Variants in TRRAP observed in about 807,000 individuals in gnomAD.
TRRAP encodes the protein transformation/transcription domain-associated protein.
Under a neutral mutation model 438.8 loss-of-function variants are expected in TRRAP, and 41 were observed. The observed-to-expected ratio is 0.09, with a 90% CI of 0.07 to 0.12. TRRAP has a LOEUF of 0.12. Among genes scored for constraint, TRRAP ranks in the 10% least tolerant of loss-of-function variants. The probability of loss-of-function intolerance (pLI) is 1.00; values close to 1 mark genes in which losing one functional copy is unlikely to be tolerated. For missense variants in TRRAP, 3,122 were observed against 5,055.1 expected (o/e 0.62, Z 11.60); for synonymous variants, 1,994 against 1,962.9 (o/e 1.02, Z -0.42).
At chr7:98,967,406 C>T (rs1325897745) in intron 50 of TRRAP, 79 bp from the exon 51 acceptor site, 11 of 1,496,696 alleles carry the variant, frequency 7.3e-6, no homozygotes, top group South Asian at 2.4e-5. Context: ...AAGTTCACAT[C>T]CACGTTCACC....
chr7:99,007,963 T>C (rs1238197356), intron 69 of TRRAP, among the ~76,000 whole-genome samples: 2 of 151,808 alleles, frequency 1.3e-5, no homozygotes, highest in East Asian at 3.9e-4. Flanking sequence ...GTAGTTGGGA[T>C]TACAGGCACC....
chr7:98,901,927 C>T lies in TRRAP; in HGVS notation c.897+1207C>T, dbSNP rs115850641. On this transcript the variant is annotated intron_variant, in intron 11 of 72. Transcript: ENST00000456197. Reference sequence around the variant, plus strand: ...AATTAAGTGGTTTTTAGTTTAGCCACAGATTTGTACCATTACCACCATCCA... The same window carrying T: ...AATTAAGTGGTTTTTAGTTTAGCCATAGATTTGTACCATTACCACCATCCA... Among the ~76,000 whole-genome samples, 1,165 of 152,346 alleles carry T rather than the reference C, an allele frequency of 7.6e-3. 8 individuals are homozygous for T. The highest frequency in any genetic ancestry group is 0.027 in the African/African-American group (1,132 of 41,570).
intron 38 of TRRAP, 68 bp downstream of exon 38, chr7:98,950,330 C>A (rs1047146277): frequency 1.3e-6 from 2 of 1,559,800 alleles, no homozygotes; most frequent in African/African-American, 2.8e-5. Context: ...AACTTTGGGC[C>A]CTTTTCTTTT....
chr7:99,000,001 G>GTTTATTTATTTATTTA (rs143457391), intron 67 of TRRAP: 5 of 172,928 alleles, frequency 2.9e-5, no homozygotes, highest in African/African-American at 1.2e-4. Context: ...ATTTCAGTTT[G>GTTTATTTATTTATTTA]TTTATTTATT....
At chr7:98,979,016 C>T in intron 58 of TRRAP, 112 bp downstream of exon 58, 1 of 1,392,984 alleles carries the variant, frequency 7.2e-7, no homozygotes, top group Non-Finnish European at 9.7e-7. Context: ...GGAAAGACAG[C>T]TTTTGGGAAG....
intron 6 of TRRAP, among the ~76,000 whole-genome samples, chr7:98,895,531 T>G (rs1158016238): frequency 6.6e-6 from 1 of 152,212 alleles, no homozygotes; most frequent in African/African-American, 2.4e-5. Context: ...ATTTTAATTT[T>G]CAACTCTTTG....
At chr7:98,942,913 T>C (rs1201563118) in intron 30 of TRRAP, 36 bp from the exon 31 acceptor site, 10 of 1,612,940 alleles carry the variant, frequency 6.2e-6, no homozygotes, top group African/African-American at 4.0e-5. Context: ...ATGCACCTAC[T>C]GTGAAGTTGT....
rs140761278 is a variant in TRRAP, at chr7:98,976,590, C to T, written c.8067C>T (p.Cys2689=). The change falls in exon 55 of 73, where the codon TGC becomes TGT. Residue 2689 remains cysteine (C), a synonymous_variant. Transcript: ENST00000456197. This position sits in a 1 kb window ranked among gnomAD's most constrained non-coding sequence, Gnocchi z 4.6. ...LNCFVEAMSQ[C]VPPIPIRPCV... Reference sequence around the variant, plus strand: ...GCTTTGTGGAAGCCATGTCCCAGTGCGTGCCGCCAATCCCCATCCGACCCT... The same window carrying T: ...GCTTTGTGGAAGCCATGTCCCAGTGTGTGCCGCCAATCCCCATCCGACCCT... The T allele has an allele frequency of 9.9e-6, 16 of 1,614,232 alleles. No homozygotes were observed. Among genetic ancestry groups the T allele is most frequent in the Admixed American group, 5.0e-5 (3 of 60,032 alleles).
rs375896254 is a variant in TRRAP at position 98,958,118 on chromosome 7, G to C, written c.6342+27G>C. On this transcript the variant is annotated intron_variant, in intron 44 of 72. Coordinates refer to ENST00000456197, the MANE Select transcript of TRRAP (RefSeq NM_001375524.1). ...TACGGGATCCAAGTGCCCTGCGTTA[G>C]GGCTTCTGCAGACCAGAGGCTACTG... is the stretch of plus-strand genomic sequence containing the variant. 2.9e-5 allele frequency: 46 copies of C among 1,600,874 alleles called. No individual in the cohort carries two copies. In the African/African-American group the frequency reaches 5.2e-4, roughly 18 times the overall value.
intron 67 of TRRAP, chr7:98,999,867 A>G (rs1204970443): frequency 1.6e-5 from 7 of 428,572 alleles, no homozygotes; most frequent in Non-Finnish European, 2.5e-5. Flanking sequence ...ATTCATCTCC[A>G]TCTTAAATAC....
chr7:98,961,326 A>G lies in TRRAP; in HGVS notation c.6555A>G (p.Leu2185=), dbSNP rs758779353. ...GCCTAGAAGTGCTGAGCTTCCTGCT[A>G]ACTGTCCTCCAGTCCCCAGCCATCC... ...CTGLEVLSFL[L]TVLQSPAILS... is the part of the protein sequence containing the mutation. The change falls in exon 46 of 73, where the codon CTA becomes CTG. Residue 2185 remains leucine (L), a synonymous_variant. Transcript: ENST00000456197. The G allele has an allele frequency of 1.2e-6, 2 of 1,614,216 alleles. No individual in the cohort carries two copies. The highest frequency in any genetic ancestry group is 1.1e-5 in the South Asian group (1 of 91,090).
At chr7:98,985,678 G>T (rs1202115838) in intron 62 of TRRAP, among the ~76,000 whole-genome samples, 1 of 152,146 alleles carries the variant, frequency 6.6e-6, no homozygotes, top group Non-Finnish European at 1.5e-5. Flanking sequence ...CCTTGTGTAG[G>T]CTCCAGTGCC....
At position 98,910,174 on chromosome 7, in the gene TRRAP, CCCCTGCAGCTCCTGG is replaced by C; in HGVS notation, c.1476_1490del (p.Ala493_Ala497del). 1 of 1,611,352 alleles carries C rather than the reference CCCCTGCAGCTCCTGG, an allele frequency of 6.2e-7. No individual in the cohort carries two copies. The highest frequency in any genetic ancestry group is 1.3e-5 in the African/African-American group (1 of 75,006). On this transcript the variant is annotated inframe_deletion, in exon 15 of 73. Transcript: ENST00000456197. ...GCAGCTCTGCCTGGGGTGCCCACTGCCCCTGCAGCTCCTGGCCCTGCTCCCTCCCCAGCCCCTGTC... is the reference window on the plus strand; with the variant it reads ...GCAGCTCTGCCTGGGGTGCCCACTGCCCCTGCTCCCTCCCCAGCCCCTGTC...
In TRRAP at chr7:98,937,159, C is replaced by T. The variant is rs1554414430; in HGVS notation, c.4115C>T (p.Ala1372Val). Reference protein sequence around the residue: ...LVPLRIAALNALAACNYLPQS... With the variant: ...LVPLRIAALNVLAACNYLPQS... The stretch of plus-strand genomic sequence containing the variant: ...GTCTTGATTTCTCTCCCTGAAGATG[C>T]ACTTGCTGCCTGCAATTACCTTCCT... The change falls in exon 29 of 73, where the codon GCA becomes GTA. Residue 1372 changes from alanine to valine, a missense_variant. Ala to Val is a moderately conservative substitution (Grantham distance 64). Around this residue, in one of 24 missense-constraint regions of TRRAP, gnomAD observed 84 missense variants for 119.8 expected, o/e 0.70. Transcript: ENST00000456197. 1 of 1,605,902 alleles carries T rather than the reference C, an allele frequency of 6.2e-7. No individual in the cohort carries two copies. The highest frequency in any genetic ancestry group is 1.7e-5 in the Admixed American group (1 of 58,190).
intron 28 of TRRAP, among the ~76,000 whole-genome samples, chr7:98,936,259 A>G (rs1168288259): frequency 6.6e-6 from 1 of 152,186 alleles, no homozygotes; most frequent in Non-Finnish European, 1.5e-5. Context: ...ACATATTTCC[A>G]GAATCTTTCT....
Position 98,937,573 on chromosome 7 carries a change from G to A in TRRAP, c.4234-77G>A, listed in dbSNP as rs552480036. On this transcript the variant is annotated intron_variant, in intron 29 of 72. Transcript: ENST00000456197. ...AAGGAGAACGGAAACTTGCAGCTAA[G>A]GTTGAAGATGAGTTCTGTTCTATTA... 7 of 1,422,712 alleles carry A rather than the reference G, an allele frequency of 4.9e-6. No individual in the cohort carries two copies. In the East Asian group the frequency reaches 9.8e-5, roughly 20 times the overall value. 88.1% of individuals were successfully genotyped at this position (1,422,712 alleles called of 1,614,324 possible).
At chr7:98,960,459 A>G (rs1791837518) in intron 45 of TRRAP, among the ~76,000 whole-genome samples, 1 of 152,154 alleles carries the variant, frequency 6.6e-6, no homozygotes, top group South Asian at 2.1e-4. Context: ...GCTATGAACC[A>G]CGAACTCTGT....
At position 98,908,626 on chromosome 7, in the gene TRRAP, C is replaced by A; in HGVS notation, c.1116-102C>A. On this transcript the variant is annotated intron_variant, in intron 13 of 72. Transcript: ENST00000456197. The surrounding 1 kb of genome is among the most constrained non-coding windows in gnomAD (Gnocchi z 4.1). ...AAATGGGCCATGTAAGTGTGCCGACCCAGGGGTGGTGTTCCTGGGGCAGAT... is the reference window on the plus strand; with the variant it reads ...AAATGGGCCATGTAAGTGTGCCGACACAGGGGTGGTGTTCCTGGGGCAGAT... The A allele has an allele frequency of 9.4e-7, 1 of 1,062,270 alleles. No homozygotes were observed. The highest frequency in any genetic ancestry group is 1.4e-6 in the Non-Finnish European group (1 of 730,224). The allele number at this position is 1,062,270 out of a possible 1,614,324, so 65.8% of individuals were successfully genotyped here. A position where few individuals can be genotyped will look rare whatever the true frequency, so the allele number is the denominator to read the frequency against.
chr7:98,948,973 C>T lies in TRRAP; in HGVS notation c.4788+288C>T, dbSNP rs1271125039. On this transcript the variant is annotated intron_variant, in intron 35 of 72. Coordinates refer to ENST00000456197, the MANE Select transcript of TRRAP (RefSeq NM_001375524.1). This position sits in a 1 kb window ranked among gnomAD's most constrained non-coding sequence, Gnocchi z 4.9. Reference sequence around the variant, plus strand: ...AAAAGTATTTTCTAAGGGCCCACACCTGTAATCCCAGCACTTCGGGAAACT... The same window carrying T: ...AAAAGTATTTTCTAAGGGCCCACACTTGTAATCCCAGCACTTCGGGAAACT... Among the ~76,000 whole-genome samples the T allele has an allele frequency of 6.6e-6, 1 of 152,170 alleles. No individual in the cohort carries two copies. The highest frequency in any genetic ancestry group is 1.5e-5 in the Non-Finnish European group (1 of 68,036).
Sources: gnomAD v4.1 joint callset for allele counts (sites outside exome capture counted in the v4.1 genomes callset) on GRCh38, gnomAD v4.1.1 for gene constraint, gnomAD v4.1.1 regional missense constraint, Gnocchi (gnomAD v3.1) non-coding constraint, MANE v1.5 for transcripts, NCBI Gene and HGNC (gene_info 2026-07-23, HGNC 2026-07-21) for gene names.